BABAM2: variants seen among roughly 807,000 people sequenced by gnomAD.
The protein encoded by BABAM2 is BRISC and BRCA1-A complex member 2.
Under a neutral mutation model 54.7 loss-of-function variants are expected in BABAM2, and 31 were observed. The observed-to-expected ratio is 0.57, with a 90% CI of 0.43 to 0.77. BABAM2 has a LOEUF of 0.77. Among genes scored for constraint, BABAM2 ranks in the 30% least tolerant of loss-of-function variants. The probability of loss-of-function intolerance (pLI) is 0.00; values close to 1 mark genes in which losing one functional copy is unlikely to be tolerated. For synonymous variants in BABAM2, 167 were observed against 162.9 expected, an observed-to-expected ratio of 1.03 and a Z score of -0.19; for missense variants, 364 against 455.8, an observed-to-expected ratio of 0.80 and a Z score of 1.83.
At chr2:28,128,750 A>G (rs905566769) in intron 6 of BABAM2, among the ~76,000 whole-genome samples, 1 of 152,152 alleles carries the variant, frequency 6.6e-6, no homozygotes, top group African/African-American at 2.4e-5. Flanking sequence ...ATCATCCATT[A>G]TCATTTTGCC....
upstream of BABAM2, chr2:27,890,248 C>G (rs1355854840): frequency 2.5e-6 from 4 of 1,612,692 alleles, no homozygotes; most frequent in Non-Finnish European, 2.5e-6. This position sits in a 1 kb window ranked among gnomAD's most constrained non-coding sequence, Gnocchi z 4.8. Flanking sequence ...TAACTGGCCC[C>G]GGACTAACCT....
chr2:28,180,321 A>AT (rs1675479959), intron 7 of BABAM2, among the ~76,000 whole-genome samples: 1 of 152,190 alleles, frequency 6.6e-6, no homozygotes, highest in Non-Finnish European at 1.5e-5. Context: ...TTGTATTTAC[A>AT]GCCAACTGGT....
intron 6 of BABAM2, among the ~76,000 whole-genome samples, chr2:28,064,348 A>T (rs1029476652): frequency 6.6e-6 from 1 of 152,202 alleles, no homozygotes; most frequent in Non-Finnish European, 1.5e-5. Context: ...TGTCCAGGAA[A>T]CTTTATTAGC....
intron 10 of BABAM2, among the ~76,000 whole-genome samples, chr2:28,281,455 C>T (rs1365878096): frequency 1.3e-5 from 2 of 151,960 alleles, no homozygotes. Flanking sequence ...TAAATGTGAC[C>T]CCCCCGAGCC....
chr2:28,167,175 C>T (rs918406071), intron 7 of BABAM2, among the ~76,000 whole-genome samples: 1 of 152,122 alleles, frequency 6.6e-6, no homozygotes, highest in African/African-American at 2.4e-5. Flanking sequence ...TGACTAATTC[C>T]ATATGAATCA....
chr2:27,984,593 T>C (rs1672256831), intron 3 of BABAM2, among the ~76,000 whole-genome samples: 1 of 152,130 alleles, frequency 6.6e-6, no homozygotes, highest in Non-Finnish European at 1.5e-5. Flanking sequence ...CTACAGAAGC[T>C]CCAGGAGTGA....
intron 7 of BABAM2, among the ~76,000 whole-genome samples, chr2:28,161,729 C>T (rs1165511093): frequency 4.6e-5 from 7 of 152,024 alleles, no homozygotes; most frequent in African/African-American, 1.4e-4. Flanking sequence ...TTCCCCTCCA[C>T]TTTGCTCTTT....
At chr2:28,148,716 G>A (rs1671736101) in intron 7 of BABAM2, among the ~76,000 whole-genome samples, 2 of 152,120 alleles carry the variant, frequency 1.3e-5, no homozygotes, top group Admixed American at 6.6e-5. Flanking sequence ...CAGACATGCA[G>A]GGCAAACAAG....
intron 4 of BABAM2, among the ~76,000 whole-genome samples, chr2:27,997,659 G>A (rs1673264483): frequency 6.6e-6 from 1 of 152,088 alleles, no homozygotes; most frequent in Non-Finnish European, 1.5e-5. Context: ...AGAGCACCTT[G>A]AAAGCACAAA....
rs1691315950 is a variant in BABAM2, at chr2:28,335,140, G to A, written c.1089-3310G>A. ...TACCTGTTCTCTTTCTGGAGCTGCT[G>A]TCTCTCCCACCTTCTTTTTTTTTTT... On this transcript the variant is annotated intron_variant, in intron 11 of 11. Coordinates refer to ENST00000379624, the MANE Select transcript of BABAM2 (RefSeq NM_199191.3). Among the ~76,000 whole-genome samples, 2 of 145,658 alleles carry A rather than the reference G, an allele frequency of 1.4e-5. 1 individual carries two copies. Among genetic ancestry groups the A allele is most frequent in the Admixed American group, 1.4e-4 (2 of 14,506 alleles).
chr2:27,942,925 TC>T (rs749846202), intron 3 of BABAM2, among the ~76,000 whole-genome samples: 19 of 152,080 alleles, frequency 1.2e-4, no homozygotes, highest in Non-Finnish European at 2.6e-4. Context: ...ACCCTCAGCC[TC>T]CCGAGTAGCT....
At chr2:27,973,054 C>T (rs1337541420) in intron 3 of BABAM2, among the ~76,000 whole-genome samples, 2 of 151,918 alleles carry the variant, frequency 1.3e-5, no homozygotes, top group East Asian at 3.9e-4. Context: ...AGTCATGAGC[C>T]ACCGTGCCTG....
At chr2:28,267,540 G>A (rs946246341) in intron 10 of BABAM2, among the ~76,000 whole-genome samples, 4 of 152,178 alleles carry the variant, frequency 2.6e-5, no homozygotes, top group Non-Finnish European at 5.9e-5. Flanking sequence ...CAGTCTCTGT[G>A]GCTAACACAG....
chr2:27,977,565 G>T (rs1671690407), intron 3 of BABAM2, among the ~76,000 whole-genome samples: 1 of 152,112 alleles, frequency 6.6e-6, no homozygotes, highest in Admixed American at 6.5e-5. Flanking sequence ...TGATGAGGCT[G>T]CCAAAAAAGC....
chr2:28,042,717 CAG>C (rs764466275), intron 5 of BABAM2, among the ~76,000 whole-genome samples: 4 of 151,974 alleles, frequency 2.6e-5, no homozygotes, highest in Admixed American at 6.6e-5. Flanking sequence ...TAAAGTAAAA[CAG>C]AGAAATGAAA....
At chr2:28,016,586 C>A in intron 4 of BABAM2, 1 of 534,686 alleles carries the variant, frequency 1.9e-6, no homozygotes, top group East Asian at 3.6e-5. Context: ...AACTTCTGTA[C>A]ATCCCAGAAT....
At chr2:28,016,210 T>C in intron 4 of BABAM2, 1 of 1,041,742 alleles carries the variant, frequency 9.6e-7, no homozygotes, top group Non-Finnish European at 1.5e-6. Context: ...TCTTTCTCTG[T>C]CTTTTTTTGG....
chr2:28,003,450 G>A (rs1573370331), intron 4 of BABAM2, among the ~76,000 whole-genome samples: 1 of 152,106 alleles, frequency 6.6e-6, no homozygotes, highest in African/African-American at 2.4e-5. Context: ...AATTAGCCAG[G>A]CATGGTGGTG....
chr2:28,116,599 C>T (rs1668638366), intron 6 of BABAM2, among the ~76,000 whole-genome samples: 1 of 152,172 alleles, frequency 6.6e-6, no homozygotes, highest in African/African-American at 2.4e-5. Context: ...CACAGAGCCA[C>T]CTGGGAAGAA....
Sources: gnomAD v4.1 joint callset for allele counts (sites outside exome capture counted in the v4.1 genomes callset) on GRCh38, gnomAD v4.1.1 for gene constraint, Gnocchi (gnomAD v3.1) non-coding constraint, MANE v1.5 for transcripts, NCBI Gene and HGNC (gene_info 2026-07-23, HGNC 2026-07-21) for gene names.